L3MBTL4: variants seen among roughly 807,000 people sequenced by gnomAD.
L3MBTL4 encodes the protein L3MBTL histone methyl-lysine binding protein 4.
L3MBTL4 carries 70 observed loss-of-function variants against 84.5 expected under a neutral mutation model. The observed-to-expected ratio is 0.83, with a 90% CI of 0.68 to 1.01. The LOEUF is 1.01. Among genes scored for constraint, L3MBTL4 ranks in the 50% least tolerant of loss-of-function variants. The probability of loss-of-function intolerance (pLI) is 0.00; values close to 1 mark genes in which losing one functional copy is unlikely to be tolerated. For missense variants in L3MBTL4, 715 were observed against 754.8 expected (o/e 0.95, Z 0.62); for synonymous variants, 274 against 259.8 (o/e 1.05, Z -0.52).
chr18:6,108,131 T>G (rs1331726701), intron 14 of L3MBTL4, among the ~76,000 whole-genome samples: 1 of 151,910 alleles, frequency 6.6e-6, no homozygotes, highest in Non-Finnish European at 1.5e-5. Flanking sequence ...AAAACAGGAG[T>G]GTCACGCATG....
chr18:6,364,583 C>A (rs1309727910), intron 1 of L3MBTL4, among the ~76,000 whole-genome samples: 4 of 152,040 alleles, frequency 2.6e-5, no homozygotes, highest in African/African-American at 9.7e-5. Context: ...TTTCTTTTTA[C>A]ACATTTTTTC....
chr18:6,362,393 C>T (rs190445461), intron 1 of L3MBTL4, among the ~76,000 whole-genome samples: 3 of 152,222 alleles, frequency 2.0e-5, no homozygotes, highest in Admixed American at 1.3e-4. Context: ...GGAGAGCTCA[C>T]GTAGACCATC....
chr18:6,047,495 A>T (rs980884529), intron 16 of L3MBTL4, among the ~76,000 whole-genome samples: 1 of 152,202 alleles, frequency 6.6e-6, no homozygotes, highest in Non-Finnish European at 1.5e-5. Context: ...AGACACAAAA[A>T]TCCTCAGCAA....
chr18:6,197,785 C>T (rs187683711), intron 12 of L3MBTL4, among the ~76,000 whole-genome samples: 24 of 152,300 alleles, frequency 1.6e-4, no homozygotes, highest in Admixed American at 1.3e-4. Flanking sequence ...TTCCACTTAG[C>T]CAAGGTTCCT....
rs1231536403 is a variant in L3MBTL4, at chr18:5,969,378, A to C, written c.1614+15T>G. On this transcript the variant is annotated intron_variant, in intron 17 of 18. Transcript: ENST00000317931. ...AGGCACACCCCAGCCCTGGCCCCCC[A>C]GCAGCTCCACTCACCTCATCCACAG... The C allele has an allele frequency of 2.5e-6, 4 of 1,613,556 alleles. No individual in the cohort carries two copies. The highest frequency in any genetic ancestry group is 3.4e-6 in the Non-Finnish European group (4 of 1,179,954).
intron 4 of L3MBTL4, among the ~76,000 whole-genome samples, chr18:6,289,654 C>A (rs879924814): frequency 6.6e-6 from 1 of 152,152 alleles, no homozygotes; most frequent in African/African-American, 2.4e-5. Flanking sequence ...AGCTTGTTCT[C>A]CCCTTGAGAA....
At chr18:6,104,512 T>G (rs1042806142) in intron 14 of L3MBTL4, among the ~76,000 whole-genome samples, 1 of 152,170 alleles carries the variant, frequency 6.6e-6, no homozygotes, top group Non-Finnish European at 1.5e-5. Flanking sequence ...ATATATGAGG[T>G]ATCTTATGTA....
intron 1 of L3MBTL4, among the ~76,000 whole-genome samples, chr18:6,349,671 G>A (rs1276420171): frequency 1.3e-5 from 2 of 152,088 alleles, no homozygotes; most frequent in African/African-American, 4.8e-5. Flanking sequence ...AGTGAGTTGT[G>A]ATTGCACCAC....
chr18:5,964,454 A>G (rs1266912048), intron 17 of L3MBTL4, among the ~76,000 whole-genome samples: 25 of 151,922 alleles, frequency 1.6e-4, no homozygotes, highest in Admixed American at 1.6e-3. Flanking sequence ...CTAATCGTCC[A>G]CTGGGGACCA....
chr18:6,098,476 G>A (rs576564210), intron 14 of L3MBTL4, among the ~76,000 whole-genome samples: 30 of 152,362 alleles, frequency 2.0e-4, no homozygotes, highest in African/African-American at 7.0e-4. Flanking sequence ...TGGCAAAGAT[G>A]TAATAGCCTC....
At chr18:6,219,221 A>G (rs1303841426) in intron 10 of L3MBTL4, among the ~76,000 whole-genome samples, 1 of 151,628 alleles carries the variant, frequency 6.6e-6, no homozygotes, top group African/African-American at 2.4e-5. Flanking sequence ...CCTCATACTT[A>G]TCACTTCGTC....
chr18:6,074,593 C>A (rs373179802), intron 16 of L3MBTL4, among the ~76,000 whole-genome samples: 3 of 152,144 alleles, frequency 2.0e-5, no homozygotes, highest in African/African-American at 4.8e-5. Context: ...ATCAATCACT[C>A]GCAGTTAACA....
chr18:6,374,951 T>C (rs1298805732), intron 1 of L3MBTL4, among the ~76,000 whole-genome samples: 1 of 152,174 alleles, frequency 6.6e-6, no homozygotes, highest in African/African-American at 2.4e-5. Flanking sequence ...TCAGACACAA[T>C]TCGATAAAGC....
At chr18:6,295,221 G>A (rs569406308) in intron 4 of L3MBTL4, among the ~76,000 whole-genome samples, 4 of 151,648 alleles carry the variant, frequency 2.6e-5, no homozygotes, top group South Asian at 2.1e-4. Context: ...GCAATGAGCC[G>A]GGATAGTGCC....
At chr18:5,991,583 G>A (rs994168912) in intron 16 of L3MBTL4, among the ~76,000 whole-genome samples, 1 of 152,106 alleles carries the variant, frequency 6.6e-6, no homozygotes, top group South Asian at 2.1e-4. Flanking sequence ...TCTATAACTA[G>A]AGCGAGGAAA....
chr18:6,212,197 A>T (rs1185973842), intron 12 of L3MBTL4, among the ~76,000 whole-genome samples: 4 of 152,236 alleles, frequency 2.6e-5, no homozygotes, highest in Non-Finnish European at 5.9e-5. Flanking sequence ...AGAATAATGG[A>T]CATTGCCAGT....
intron 4 of L3MBTL4, among the ~76,000 whole-genome samples, chr18:6,298,005 T>C (rs1411046097): frequency 6.6e-6 from 1 of 152,226 alleles, no homozygotes; most frequent in Non-Finnish European, 1.5e-5. Context: ...ATGACTATCA[T>C]ATGCATAAAT....
chr18:6,036,847 CCT>C (rs1196507413), intron 16 of L3MBTL4, among the ~76,000 whole-genome samples: 1 of 152,150 alleles, frequency 6.6e-6, no homozygotes, highest in Non-Finnish European at 1.5e-5. Context: ...CATAAGGTCT[CCT>C]TAGGTCTTTC....
At chr18:6,338,699 T>C (rs1244654591) in intron 1 of L3MBTL4, among the ~76,000 whole-genome samples, 1 of 151,930 alleles carries the variant, frequency 6.6e-6, no homozygotes, top group East Asian at 1.9e-4. Flanking sequence ...AAACCAAAAT[T>C]ATCAGAGTGG....
Sources: allele counts gnomAD v4.1 joint callset (sites outside exome capture counted in the v4.1 genomes callset), GRCh38; gene constraint gnomAD v4.1.1; transcripts MANE v1.5; gene names NCBI Gene and HGNC (gene_info 2026-07-23, HGNC 2026-07-21).